Variants in CNTNAP2 observed in about 807,000 individuals in gnomAD.
The protein encoded by CNTNAP2 is contactin associated protein 2, also known as contactin-associated protein-like 2.
In CNTNAP2, 98 loss-of-function variants were observed where a neutral mutation model predicts 155.2. The ratio of observed to expected loss-of-function variants is 0.63; its 90% CI spans 0.54 to 0.75. CNTNAP2 has a LOEUF of 0.75. CNTNAP2 is among the 30% of genes least tolerant of loss of function. The pLI is 0.00. For missense variants in CNTNAP2, 1,727 were observed against 1,688.1 expected (o/e 1.02, Z -0.40); for synonymous variants, 651 against 631.2 (o/e 1.03, Z -0.47).
chr7:148,161,300 G>T (rs769651285), intron 17 of CNTNAP2, among the ~76,000 whole-genome samples: 2 of 151,992 alleles, frequency 1.3e-5, no homozygotes, highest in African/African-American at 4.8e-5. Context: ...CCCTTATTTC[G>T]CAGTGCTTGC....
At chr7:146,769,224 A>G (rs1413494160) in intron 1 of CNTNAP2, among the ~76,000 whole-genome samples, 1 of 152,232 alleles carries the variant, frequency 6.6e-6, no homozygotes, top group African/African-American at 2.4e-5. Context: ...TTTGGAAGAC[A>G]TCCCAGTATG....
chr7:147,408,152 A>G (rs1797040888), intron 10 of CNTNAP2, among the ~76,000 whole-genome samples: 1 of 145,668 alleles, frequency 6.9e-6, no homozygotes, highest in Admixed American at 6.8e-5. Context: ...TTTATGAAAG[A>G]GTTAGACATC....
chr7:147,253,848 C>T (rs928404240), intron 8 of CNTNAP2, among the ~76,000 whole-genome samples: 5 of 152,142 alleles, frequency 3.3e-5, no homozygotes, highest in Non-Finnish European at 5.9e-5. Flanking sequence ...ATCTTCTGTG[C>T]CAAGCACTGT....
At chr7:146,739,299 A>G (rs1440311055) in intron 1 of CNTNAP2, among the ~76,000 whole-genome samples, 4 of 151,900 alleles carry the variant, frequency 2.6e-5, no homozygotes, top group Non-Finnish European at 5.9e-5. Context: ...GGATAAAGTA[A>G]TTCTTAGAAT....
intron 3 of CNTNAP2, among the ~76,000 whole-genome samples, chr7:146,841,837 A>G (rs1320901153): frequency 6.6e-6 from 1 of 152,108 alleles, no homozygotes; most frequent in African/African-American, 2.4e-5. Flanking sequence ...ATGCAGAGAC[A>G]TAAGGAAAAA....
chr7:146,416,165 A>AAT (rs34440733), intron 1 of CNTNAP2, among the ~76,000 whole-genome samples: 64,027 of 151,346 alleles, frequency 0.42, 16,482 homozygotes, highest in African/African-American at 0.72. Context: ...TAAAATGAAA[A>AAT]AAGATGAGTT....
intron 20 of CNTNAP2, among the ~76,000 whole-genome samples, chr7:148,245,666 C>T (rs1027948999): frequency 1.3e-5 from 2 of 152,112 alleles, no homozygotes; most frequent in African/African-American, 2.4e-5. Flanking sequence ...TCTGCAGACT[C>T]CCCCAAGCTT....
chr7:147,368,859 C>T (rs904112433), intron 9 of CNTNAP2, among the ~76,000 whole-genome samples: 1 of 152,150 alleles, frequency 6.6e-6, no homozygotes, highest in Non-Finnish European at 1.5e-5. Flanking sequence ...TAATAGATAC[C>T]TACTATGTAT....
chr7:146,350,562 C>T (rs1794897800), intron 1 of CNTNAP2, among the ~76,000 whole-genome samples: 1 of 151,684 alleles, frequency 6.6e-6, no homozygotes, highest in South Asian at 2.1e-4. Context: ...GAAATAGGAA[C>T]ACTTTTACAC....
intron 11 of CNTNAP2, among the ~76,000 whole-genome samples, chr7:147,499,545 T>C (rs13235407): frequency 0.16 from 25,017 of 151,886 alleles, 2,705 homozygotes; most frequent in Non-Finnish European, 0.24. Flanking sequence ...AAAATACCGA[T>C]ATAATGATGT....
intron 8 of CNTNAP2, among the ~76,000 whole-genome samples, chr7:147,281,965 G>C (rs780015125): frequency 3.3e-5 from 5 of 151,856 alleles, no homozygotes; most frequent in African/African-American, 4.8e-5. Flanking sequence ...ATCACCTTCT[G>C]TGAAACTGCT....
chr7:148,021,459 C>T (rs1344398967), intron 15 of CNTNAP2, among the ~76,000 whole-genome samples: 1 of 152,144 alleles, frequency 6.6e-6, no homozygotes, highest in African/African-American at 2.4e-5. Flanking sequence ...TAGGGAGACA[C>T]GGGGGACAGC....
intron 11 of CNTNAP2, among the ~76,000 whole-genome samples, chr7:147,500,050 GA>G (rs1333763446): frequency 3.3e-5 from 5 of 151,496 alleles, no homozygotes; most frequent in African/African-American, 1.2e-4. Context: ...AAAATCAAAA[GA>G]ACAGTATTTT....
rs558207159 is a variant in CNTNAP2, at chr7:148,077,514, G to T, written c.2384-40604G>T. Among the ~76,000 whole-genome samples, 38 of 152,248 alleles carry T rather than the reference G, an allele frequency of 2.5e-4. 2 individuals are homozygous for T. Among genetic ancestry groups the T allele is most frequent in the East Asian group, 1.7e-3 (9 of 5,182 alleles). On this transcript the variant is annotated intron_variant, in intron 15 of 23. Coordinates refer to ENST00000361727, the MANE Select transcript of CNTNAP2 (RefSeq NM_014141.6). ...GAGCTGCATGGCACAGACCATAAAG[G>T]TTGTGAGCTCTTCCCATTTCAAGAA...
intron 1 of CNTNAP2, among the ~76,000 whole-genome samples, chr7:146,185,122 A>C (rs906448870): frequency 1.3e-5 from 2 of 152,212 alleles, no homozygotes; most frequent in Non-Finnish European, 2.9e-5. Context: ...TAAACATTCT[A>C]TAAACCCTAG....
intron 13 of CNTNAP2, among the ~76,000 whole-genome samples, chr7:147,745,538 CAT>C (rs1275569972): frequency 2.0e-5 from 3 of 152,148 alleles, no homozygotes; most frequent in Non-Finnish European, 4.4e-5. Flanking sequence ...CTTGAAATTC[CAT>C]AGTGTGTGTT....
At chr7:147,608,971 G>C (rs1472332193) in intron 12 of CNTNAP2, among the ~76,000 whole-genome samples, 3 of 152,060 alleles carry the variant, frequency 2.0e-5, no homozygotes, top group Non-Finnish European at 2.9e-5. Flanking sequence ...CAAGGTAATG[G>C]CATCGGTTAA....
intron 12 of CNTNAP2, among the ~76,000 whole-genome samples, chr7:147,577,250 C>G (rs1450968573): frequency 6.6e-6 from 1 of 152,086 alleles, no homozygotes; most frequent in Non-Finnish European, 1.5e-5. Context: ...CCCAGGCCAG[C>G]TTAAGCATTA....
At chr7:147,637,534 G>A (rs6979463) in intron 12 of CNTNAP2, among the ~76,000 whole-genome samples, 1 of 151,780 alleles carries the variant, frequency 6.6e-6, no homozygotes, top group Non-Finnish European at 1.5e-5. Flanking sequence ...CTTGCGCTCT[G>A]TCTCTCTCTC....
Sources: allele counts gnomAD v4.1 joint callset (sites outside exome capture counted in the v4.1 genomes callset), GRCh38; gene constraint gnomAD v4.1.1; transcripts MANE v1.5; gene names NCBI Gene and HGNC (gene_info 2026-07-23, HGNC 2026-07-21).